CCDC6: variants seen among roughly 807,000 people sequenced by gnomAD.
CCDC6 encodes the protein coiled-coil domain-containing protein 6.
CCDC6 carries 20 observed loss-of-function variants against 56.6 expected under a neutral mutation model. That is an observed-to-expected ratio of 0.35 (90% CI 0.25 to 0.51). The LOEUF (loss-of-function observed/expected upper bound fraction) is 0.51, where lower values mean the gene tolerates loss of function less well. Among genes scored for constraint, CCDC6 ranks in the 20% least tolerant of loss-of-function variants. The pLI is 0.95. For missense variants in CCDC6, 367 were observed against 601.1 expected (o/e 0.61, Z 4.07); for synonymous variants, 241 against 234.4 (o/e 1.03, Z -0.26).
rs918160858 is a variant in CCDC6, at chr10:59,789,456, AC to A, written c.*3460del. 11 of 231,888 alleles carry A rather than the reference AC, an allele frequency of 4.7e-5. No individual in the cohort carries two copies. Among genetic ancestry groups the A allele is most frequent in the South Asian group, 1.8e-4 (1 of 5,514 alleles). The allele number at this position is 231,888 out of a possible 1,614,324, so 14.4% of individuals were successfully genotyped here. A position where few individuals can be genotyped will look rare whatever the true frequency, so the allele number is the denominator to read the frequency against. On this transcript the variant is annotated 3_prime_UTR_variant, in exon 9 of 9. Coordinates refer to ENST00000263102, the MANE Select transcript of CCDC6 (RefSeq NM_005436.5). ...TCAAAAAATTAAAGAAGAAAAAAAAACCCTAAAAAACAAAGAAAAAAACAAA... is the reference window on the plus strand; with the variant it reads ...TCAAAAAATTAAAGAAGAAAAAAAAACCTAAAAAACAAAGAAAAAAACAAA...
intron 1 of CCDC6, among the ~76,000 whole-genome samples, chr10:59,905,497 C>T (rs148121849): frequency 1.3e-5 from 2 of 152,216 alleles, no homozygotes; most frequent in Non-Finnish European, 2.9e-5. Flanking sequence ...TCCACCCTCC[C>T]AACCCAAAGC....
At chr10:59,888,928 G>A (rs2071402063) in intron 1 of CCDC6, among the ~76,000 whole-genome samples, 1 of 152,062 alleles carries the variant, frequency 6.6e-6, no homozygotes, top group Non-Finnish European at 1.5e-5. Context: ...CTCACAGTCT[G>A]ATTGCATGCC....
intron 1 of CCDC6, among the ~76,000 whole-genome samples, chr10:59,892,127 A>G (rs1454656890): frequency 1.3e-5 from 2 of 152,246 alleles, no homozygotes; most frequent in African/African-American, 4.8e-5. Flanking sequence ...AAGTGGCACT[A>G]GGGCGTTGCC....
intron 2 of CCDC6, among the ~76,000 whole-genome samples, chr10:59,844,156 C>CA (rs2070967803): frequency 6.6e-6 from 1 of 152,092 alleles, no homozygotes; most frequent in African/African-American, 2.4e-5. Flanking sequence ...CTATTTTCTA[C>CA]AGGAAAAGCC....
intron 6 of CCDC6, chr10:59,806,632 T>C (rs1429090876): frequency 3.1e-6 from 1 of 327,084 alleles, no homozygotes; most frequent in Non-Finnish European, 5.7e-6. Context: ...ATTAAACTAA[T>C]TCAACAACAA....
At chr10:59,903,402 G>A (rs768532842) in intron 1 of CCDC6, among the ~76,000 whole-genome samples, 5 of 152,058 alleles carry the variant, frequency 3.3e-5, no homozygotes, top group Non-Finnish European at 7.4e-5. Flanking sequence ...GGGGTTACGT[G>A]GGAAATCTCT....
chr10:59,794,714 G>T, intron 7 of CCDC6, 117 bp from the exon 8 acceptor site: 1 of 780,762 alleles, frequency 1.3e-6, no homozygotes, highest in Non-Finnish European at 2.1e-6. Context: ...ACAAACAGAT[G>T]AAAAGAATGA....
intron 1 of CCDC6, among the ~76,000 whole-genome samples, chr10:59,892,093 T>C (rs2071426304): frequency 6.6e-6 from 1 of 152,238 alleles, no homozygotes; most frequent in South Asian, 2.1e-4. Context: ...TTGGTTTCTG[T>C]TCTTTAAACC....
intron 1 of CCDC6, among the ~76,000 whole-genome samples, chr10:59,876,073 C>CTTT (rs1172379933): frequency 5.1e-5 from 5 of 97,586 alleles, no homozygotes; most frequent in Non-Finnish European, 7.7e-5. Context: ...GCACAGATGT[C>CTTT]TTTTTTTTTT....
rs2071545370 is a variant in CCDC6, at chr10:59,906,284, C to T, written c.141G>A (p.Gly47=). The T allele has an allele frequency of 1.2e-6, 2 of 1,608,832 alleles. No homozygotes were observed. The highest frequency in any genetic ancestry group is 1.7e-4 in the Middle Eastern group (1 of 6,050). Residue 47 remains glycine, a synonymous_variant, in exon 1 of 9, where the codon GGG becomes GGA. Coordinates refer to ENST00000263102, the MANE Select transcript of CCDC6 (RefSeq NM_005436.5). ...GGCGGAACGGCGAGATGACAATGCC[C>T]CCCGACTTCCCACCGCCGCCGCCTC... The part of the protein sequence containing the change: ...GGGGGGGGKS[G]GIVISPFRLE...
At chr10:59,802,126 T>A (rs942022762) in intron 7 of CCDC6, among the ~76,000 whole-genome samples, 2 of 152,178 alleles carry the variant, frequency 1.3e-5, no homozygotes, top group Non-Finnish European at 2.9e-5. Flanking sequence ...CATAAAATGA[T>A]GGACAAACTG....
intron 7 of CCDC6, among the ~76,000 whole-genome samples, chr10:59,797,795 C>G (rs1240362197): frequency 6.6e-6 from 1 of 151,782 alleles, no homozygotes; most frequent in Non-Finnish European, 1.5e-5. Context: ...TGCCAATGTT[C>G]CCTAAAAGAA....
chr10:59,801,633 A>T (rs574769108), intron 7 of CCDC6, among the ~76,000 whole-genome samples: 22 of 152,194 alleles, frequency 1.4e-4, no homozygotes, highest in Non-Finnish European at 2.4e-4. Context: ...AGGATGGAAT[A>T]TCTACGTATA....
At chr10:59,903,508 C>T (rs1379791502) in intron 1 of CCDC6, among the ~76,000 whole-genome samples, 1 of 152,138 alleles carries the variant, frequency 6.6e-6, no homozygotes, top group Non-Finnish European at 1.5e-5. Flanking sequence ...AAGAGCCCGG[C>T]TCTTCCCCAG....
chr10:59,799,522 A>G (rs921105753), intron 7 of CCDC6, among the ~76,000 whole-genome samples: 7 of 152,220 alleles, frequency 4.6e-5, no homozygotes, highest in African/African-American at 1.7e-4. Context: ...TCAACAGTGA[A>G]TATCAAAGTT....
intron 1 of CCDC6, among the ~76,000 whole-genome samples, chr10:59,883,623 T>C (rs2071362380): frequency 6.6e-6 from 1 of 152,256 alleles, no homozygotes; most frequent in African/African-American, 2.4e-5. Flanking sequence ...CTCAAAATTA[T>C]AAATCCTATC....
chr10:59,903,369 G>A (rs1284293537), intron 1 of CCDC6, among the ~76,000 whole-genome samples: 5 of 152,184 alleles, frequency 3.3e-5, no homozygotes, highest in African/African-American at 1.2e-4. Context: ...GATGGTGGAG[G>A]AGGCTGTGCC....
intron 1 of CCDC6, among the ~76,000 whole-genome samples, chr10:59,853,579 T>C (rs1356205160): frequency 1.3e-5 from 2 of 151,682 alleles, no homozygotes; most frequent in African/African-American, 2.4e-5. Flanking sequence ...CAAATGTACA[T>C]GGACACGTGT....
intron 3 of CCDC6, among the ~76,000 whole-genome samples, chr10:59,825,455 A>C (rs1263651315): frequency 6.6e-6 from 1 of 152,146 alleles, no homozygotes; most frequent in East Asian, 1.9e-4. Context: ...TTCTTTTGTA[A>C]ATTGCCCAGT....
Sources: allele counts gnomAD v4.1 joint callset (sites outside exome capture counted in the v4.1 genomes callset), GRCh38; gene constraint gnomAD v4.1.1; transcripts MANE v1.5; gene names NCBI Gene and HGNC (gene_info 2026-07-23, HGNC 2026-07-21).